GRIN2A: variants seen among roughly 807,000 people sequenced by gnomAD.
The protein encoded by GRIN2A is glutamate receptor ionotropic, NMDA 2A.
In GRIN2A, 22 loss-of-function variants were observed where a neutral mutation model predicts 113.4. The observed-to-expected ratio is 0.19, with a 90% CI of 0.14 to 0.28. GRIN2A has a LOEUF of 0.28. GRIN2A is among the 10% of genes least tolerant of loss of function. GRIN2A has a pLI of 1.00. For missense variants in GRIN2A, 1,502 were observed against 1,887.0 expected (o/e 0.80, Z 3.78); for synonymous variants, 827 against 738.4 (o/e 1.12, Z -1.94).
intron 2 of GRIN2A, among the ~76,000 whole-genome samples, chr16:10,137,936 T>C: frequency 6.6e-6 from 1 of 152,308 alleles, no homozygotes; most frequent in East Asian, 1.9e-4. Flanking sequence ...GGCCAGCTCC[T>C]TGAGATAATG....
At chr16:9,941,670 G>C (rs78898985) in intron 2 of GRIN2A, among the ~76,000 whole-genome samples, 3 of 152,100 alleles carry the variant, frequency 2.0e-5, no homozygotes, top group East Asian at 3.9e-4. Flanking sequence ...GCCTTGGATG[G>C]GGGGGAAAAA....
At chr16:10,050,476 C>A (rs1310261494) in intron 2 of GRIN2A, among the ~76,000 whole-genome samples, 2 of 151,956 alleles carry the variant, frequency 1.3e-5, no homozygotes. Context: ...GGAGCACCAA[C>A]CCTATTGTGA....
intron 11 of GRIN2A, among the ~76,000 whole-genome samples, chr16:9,785,237 CAA>C (rs1454397799): frequency 6.6e-6 from 1 of 151,974 alleles, no homozygotes; most frequent in African/African-American, 2.4e-5. Flanking sequence ...GGCACATATA[CAA>C]CATGGAATAC....
chr16:10,060,255 T>G (rs570587941), intron 2 of GRIN2A, among the ~76,000 whole-genome samples: 8 of 152,292 alleles, frequency 5.3e-5, no homozygotes, highest in African/African-American at 1.9e-4. Context: ...AGCCCAATCC[T>G]CTATACTAGA....
At chr16:10,165,244 T>C (rs867105438) in intron 2 of GRIN2A, among the ~76,000 whole-genome samples, 1 of 152,026 alleles carries the variant, frequency 6.6e-6, no homozygotes, top group Non-Finnish European at 1.5e-5. Context: ...AGCCTCATGA[T>C]AAAATGTTAA....
chr16:9,851,772 C>A (rs1373369068), intron 4 of GRIN2A, among the ~76,000 whole-genome samples: 1 of 152,162 alleles, frequency 6.6e-6, no homozygotes, highest in Admixed American at 6.5e-5. Flanking sequence ...CTGAGCTTCA[C>A]TTTCTCCATT....
chr16:10,156,611 T>C (rs977101501), intron 2 of GRIN2A, among the ~76,000 whole-genome samples: 1 of 152,142 alleles, frequency 6.6e-6, no homozygotes, highest in African/African-American at 2.4e-5. Flanking sequence ...ATTCTGTCTG[T>C]CTTCTGGCAT....
intron 2 of GRIN2A, among the ~76,000 whole-genome samples, chr16:10,148,071 T>C (rs533874587): frequency 1.3e-5 from 2 of 152,306 alleles, no homozygotes; most frequent in African/African-American, 4.8e-5. Flanking sequence ...TACTGGTTGC[T>C]CCCTGTCAGC....
chr16:9,904,856 A>G (rs541630564), intron 3 of GRIN2A, among the ~76,000 whole-genome samples: 1 of 152,318 alleles, frequency 6.6e-6, no homozygotes, highest in South Asian at 2.1e-4. Flanking sequence ...TGGTGGCATC[A>G]TGAGAGTTAG....
intron 2 of GRIN2A, among the ~76,000 whole-genome samples, chr16:10,029,019 G>C (rs1182589541): frequency 6.6e-6 from 1 of 152,098 alleles, no homozygotes; most frequent in East Asian, 1.9e-4. Flanking sequence ...TTCCTTCTTA[G>C]TCTCCTAATA....
chr16:9,784,154 G>T (rs1902082152), intron 11 of GRIN2A, among the ~76,000 whole-genome samples: 1 of 152,116 alleles, frequency 6.6e-6, no homozygotes, highest in Non-Finnish European at 1.5e-5. Flanking sequence ...ATATGGCTGG[G>T]TGTGGTGGCT....
intron 2 of GRIN2A, among the ~76,000 whole-genome samples, chr16:10,139,211 G>A (rs1021422744): frequency 1.3e-5 from 2 of 152,142 alleles, no homozygotes; most frequent in African/African-American, 4.8e-5. Context: ...AGTCTGCTTT[G>A]AGAGGCAAGA....
chr16:9,786,373 G>A (rs917467920), intron 11 of GRIN2A, among the ~76,000 whole-genome samples: 2 of 152,240 alleles, frequency 1.3e-5, no homozygotes, highest in Non-Finnish European at 2.9e-5. Flanking sequence ...TCAAAAATTA[G>A]GCTGGGCCTG....
intron 2 of GRIN2A, among the ~76,000 whole-genome samples, chr16:10,039,102 C>T (rs1485377318): frequency 4.6e-5 from 7 of 152,074 alleles, no homozygotes; most frequent in Non-Finnish European, 1.0e-4. Context: ...GCACAGTGCC[C>T]GCCCGGCAGG....
chr16:10,121,461 C>T (rs1371004025), intron 2 of GRIN2A: 1 of 117,260 alleles, frequency 8.5e-6, no homozygotes, highest in Non-Finnish European at 1.8e-5. Flanking sequence ...TGGAATCGCT[C>T]TCAACAGTGT....
At chr16:9,960,353 A>G (rs951418776) in intron 2 of GRIN2A, among the ~76,000 whole-genome samples, 15 of 152,362 alleles carry the variant, frequency 9.8e-5, no homozygotes, top group African/African-American at 3.4e-4. Flanking sequence ...CACAGAAAAT[A>G]ATGCAAAAAG....
At chr16:9,875,871 G>C (rs933274147) in intron 4 of GRIN2A, among the ~76,000 whole-genome samples, 12 of 152,142 alleles carry the variant, frequency 7.9e-5, no homozygotes, top group African/African-American at 2.7e-4. Flanking sequence ...AGGTGTCCCA[G>C]TGTGCCATGT....
At chr16:9,803,037 A>T (rs1044654855) in intron 10 of GRIN2A, among the ~76,000 whole-genome samples, 19 of 152,216 alleles carry the variant, frequency 1.2e-4, no homozygotes, top group African/African-American at 4.6e-4. Flanking sequence ...AAATCCCCTA[A>T]ATCTCTGAGA....
At chr16:9,780,348 C>T (rs1346994753) in intron 11 of GRIN2A, among the ~76,000 whole-genome samples, 1 of 152,094 alleles carries the variant, frequency 6.6e-6, no homozygotes, top group African/African-American at 2.4e-5. Flanking sequence ...TGTAAATGCC[C>T]ATCAGCAGCA....
Sources: gnomAD v4.1 joint callset for allele counts (sites outside exome capture counted in the v4.1 genomes callset) on GRCh38, gnomAD v4.1.1 for gene constraint, MANE v1.5 for transcripts, NCBI Gene and HGNC (gene_info 2026-07-23, HGNC 2026-07-21) for gene names.